HFM1: variants seen among roughly 807,000 people sequenced by gnomAD.
HFM1 encodes the protein helicase for meiosis 1.
A neutral mutation model predicts 192.1 loss-of-function variants in HFM1; 169 were observed. The observed-to-expected ratio is 0.88, with a 90% CI of 0.78 to 1.00. HFM1 has a LOEUF of 1.00. HFM1 is among the 50% of genes least tolerant of loss of function. HFM1 has a pLI of 0.00. For synonymous variants in HFM1, 525 were observed against 537.8 expected (o/e 0.98, Z 0.33); for missense variants, 1,661 against 1,668.0 (o/e 1.00, Z 0.07).
At chr1:91,380,534 A>G (rs1317467612) in intron 7 of HFM1, among the ~76,000 whole-genome samples, 2 of 152,122 alleles carry the variant, frequency 1.3e-5, no homozygotes, top group Non-Finnish European at 2.9e-5. Flanking sequence ...AAGGCAGATC[A>G]CTTGAGGTCA....
intron 20 of HFM1, among the ~76,000 whole-genome samples, chr1:91,325,311 C>T (rs1170239070): frequency 6.6e-6 from 1 of 152,178 alleles, no homozygotes; most frequent in African/African-American, 2.4e-5. Flanking sequence ...TGGACACACC[C>T]AGGACCTGGG....
At chr1:91,378,514 T>C (rs1464228920) in intron 9 of HFM1, 34 bp from the exon 10 acceptor site, 2 of 1,232,076 alleles carry the variant, frequency 1.6e-6, no homozygotes, top group Non-Finnish European at 1.2e-6. Context: ...AGTAGTTTAA[T>C]GTGATAAGGA....
rs908731931 is a variant in HFM1, at chr1:91,396,511, A to G, written c.72-106T>C. 24 of 593,030 alleles carry G rather than the reference A, an allele frequency of 4.0e-5. No homozygotes were observed. The African/African-American group carries it at 4.5e-4, about 11-fold the overall frequency. 36.7% of individuals were successfully genotyped at this position (593,030 alleles called of 1,614,324 possible). On this transcript the variant is annotated intron_variant, in intron 2 of 38. Coordinates refer to ENST00000370425, the MANE Select transcript of HFM1 (RefSeq NM_001017975.6). ...AATTGGACTCTTAAACATTCTATAA[A>G]TTAACTTTCTGTCAGCACTTTGATT...
chr1:91,298,312 T>C (rs149442231), intron 30 of HFM1, among the ~76,000 whole-genome samples: 5,057 of 152,270 alleles, frequency 0.033, 195 homozygotes, highest in East Asian at 0.13. Context: ...CTACATCTGA[T>C]TGGTGTACCT....
chr1:91,319,444 G>T, intron 23 of HFM1, 54 bp from the exon 24 acceptor site: 1 of 1,089,006 alleles, frequency 9.2e-7, no homozygotes, highest in Non-Finnish European at 1.4e-6. Flanking sequence ...CTATCTCCCA[G>T]TATTTGATAT....
intron 1 of HFM1, chr1:91,404,568 C>CCG: frequency 4.0e-6 from 1 of 252,540 alleles, no homozygotes; most frequent in South Asian, 3.4e-5. Context: ...CCCGAGCGCG[C>CCG]CGCAGGCCTC....
intron 13 of HFM1, among the ~76,000 whole-genome samples, chr1:91,356,012 G>T (rs568434253): frequency 6.6e-6 from 1 of 151,836 alleles, no homozygotes; most frequent in African/African-American, 2.4e-5. Context: ...AATTCAAGAC[G>T]ATTGAAATCA....
At chr1:91,276,595 C>T (rs1666841909) in intron 32 of HFM1, 33 bp downstream of exon 32, 1 of 1,054,418 alleles carries the variant, frequency 9.5e-7, no homozygotes, top group Non-Finnish European at 1.4e-6. Flanking sequence ...CGTTTAACTA[C>T]AGAACAATGG....
rs1375510331 is a variant in HFM1 at position 91,279,739 on chromosome 1, G to C, written c.3392-2677C>G. Reference sequence around the variant, plus strand: ...CCAACAGATGCCTACCAACCTTCAAGTCTGACTCAAATGGCACCTCTGGGT... The same window carrying C: ...CCAACAGATGCCTACCAACCTTCAACTCTGACTCAAATGGCACCTCTGGGT... On this transcript the variant is annotated intron_variant, in intron 30 of 38. Transcript: ENST00000370425. Among the ~76,000 whole-genome samples, 4 of 152,234 alleles carry C rather than the reference G, an allele frequency of 2.6e-5. No homozygotes were observed. The East Asian group carries it at 7.7e-4, about 29-fold the overall frequency.
At chr1:91,324,894 C>G in intron 20 of HFM1, 128 bp from the exon 21 acceptor site, 1 of 669,980 alleles carries the variant, frequency 1.5e-6, no homozygotes, top group Non-Finnish European at 2.7e-6. Context: ...ACCATTGGTC[C>G]TCACTGCAGG....
chr1:91,265,901 A>C, intron 36 of HFM1, 116 bp downstream of exon 36: 5 of 1,361,040 alleles, frequency 3.7e-6, no homozygotes, highest in Non-Finnish European at 4.9e-6. Flanking sequence ...AAGAGGGTTT[A>C]GGTTGGCTAA....
At chr1:91,293,340 T>G (rs2100956951) in intron 30 of HFM1, among the ~76,000 whole-genome samples, 1 of 151,918 alleles carries the variant, frequency 6.6e-6, no homozygotes, top group Admixed American at 6.6e-5. Context: ...TACAAAGAAC[T>G]CAAACAAATT....
chr1:91,335,220 C>T (rs1654415582), intron 20 of HFM1, among the ~76,000 whole-genome samples: 1 of 152,014 alleles, frequency 6.6e-6, no homozygotes, highest in Non-Finnish European at 1.5e-5. Context: ...ATATGTTCAG[C>T]CAACATGTGA....
At chr1:91,270,145 T>C (rs1175564441) in intron 34 of HFM1, among the ~76,000 whole-genome samples, 1 of 152,134 alleles carries the variant, frequency 6.6e-6, no homozygotes, top group Non-Finnish European at 1.5e-5. Flanking sequence ...AAGTAAGTTA[T>C]TGCAGTAAAC....
intron 6 of HFM1, among the ~76,000 whole-genome samples, chr1:91,383,593 G>A (rs149090938): frequency 6.6e-6 from 1 of 152,264 alleles, no homozygotes; most frequent in African/African-American, 2.4e-5. Flanking sequence ...GATCCTTCGA[G>A]TGCCCAGGAT....
At chr1:91,321,553 T>C (rs550026339) in intron 23 of HFM1, among the ~76,000 whole-genome samples, 80 of 152,226 alleles carry the variant, frequency 5.3e-4, no homozygotes, top group African/African-American at 1.8e-3. Flanking sequence ...AAGAACAGAT[T>C]TGAAGTTCAG....
chr1:91,350,749 G>A lies in HFM1; in HGVS notation c.2195C>T (p.Pro732Leu), dbSNP rs1656821734. ...TLLYIRALKN[P>L]SHYGFASGLN... ...TCAAAGTAACAAACCATAATGAGAT[G>A]GATTTTTCAAGGCTCTGATATAAAG... The change falls in exon 18 of 39, where the codon CCA (proline) becomes CTA (leucine). Residue 732 changes from proline (P) to leucine (L), a missense_variant. Physicochemically the swap from Pro to Leu is moderately conservative, Grantham distance 98 (BLOSUM62 -3). Transcript: ENST00000370425. 1.9e-6 allele frequency: 3 copies of A among 1,610,270 alleles called. No individual in the cohort carries two copies. In the East Asian group the frequency reaches 6.7e-5, roughly 36 times the overall value.
intron 32 of HFM1, among the ~76,000 whole-genome samples, chr1:91,276,370 A>G (rs1012238414): frequency 1.3e-5 from 2 of 152,202 alleles, no homozygotes; most frequent in Non-Finnish European, 2.9e-5. Context: ...TGGGAATAAG[A>G]CTGTCTTAAT....
chr1:91,352,430 T>G (rs916897746), intron 16 of HFM1, 76 bp downstream of exon 16: 4 of 1,095,086 alleles, frequency 3.7e-6, no homozygotes, highest in Non-Finnish European at 3.9e-6. Flanking sequence ...AATTATGACA[T>G]GCTAATCAAA....
Sources: gnomAD v4.1 joint callset for allele counts (sites outside exome capture counted in the v4.1 genomes callset) on GRCh38, gnomAD v4.1.1 for gene constraint, MANE v1.5 for transcripts, NCBI Gene and HGNC (gene_info 2026-07-23, HGNC 2026-07-21) for gene names.